Variants in CDK15 observed in about 807,000 individuals in gnomAD.
CDK15 encodes the protein cyclin dependent kinase 15, also known as cyclin-dependent kinase 15.
Under a neutral mutation model 60.3 loss-of-function variants are expected in CDK15, and 62 were observed. The ratio of observed to expected loss-of-function variants is 1.03; its 90% CI spans 0.84 to 1.27. The LOEUF (loss-of-function observed/expected upper bound fraction) is 1.27, where lower values mean the gene tolerates loss of function less well. Among genes scored for constraint, CDK15 ranks in the 50% most tolerant of loss-of-function variants. CDK15 has a pLI of 0.00. For synonymous variants in CDK15, 194 were observed against 195.7 expected (o/e 0.99, Z 0.07); for missense variants, 541 against 527.8 (o/e 1.03, Z -0.25).
At chr2:201,886,928 T>C (rs886109454) in intron 12 of CDK15, among the ~76,000 whole-genome samples, 2 of 152,202 alleles carry the variant, frequency 1.3e-5, no homozygotes, top group Non-Finnish European at 2.9e-5. Flanking sequence ...CAAAGTGTTA[T>C]AGCATGCATA....
chr2:201,835,931 T>C (rs1696994179), intron 8 of CDK15, among the ~76,000 whole-genome samples, 168 bp downstream of exon 8: 1 of 130,716 alleles, frequency 7.7e-6, no homozygotes, highest in African/African-American at 2.8e-5. Flanking sequence ...ATTTATATTT[T>C]ATATATTTAT....
chr2:201,828,636 T>G (rs939794111), intron 6 of CDK15, among the ~76,000 whole-genome samples: 1 of 152,132 alleles, frequency 6.6e-6, no homozygotes, highest in African/African-American at 2.4e-5. Flanking sequence ...AGGAAGAGGT[T>G]ATCCAAATCA....
chr2:201,846,145 T>C (rs1468128674), intron 8 of CDK15, among the ~76,000 whole-genome samples: 1 of 152,070 alleles, frequency 6.6e-6, no homozygotes, highest in South Asian at 2.1e-4. Flanking sequence ...CAGGCTGCAG[T>C]TGTGACTGTA....
intron 4 of CDK15, among the ~76,000 whole-genome samples, chr2:201,820,361 G>T (rs1379582295): frequency 6.6e-6 from 1 of 152,174 alleles, no homozygotes; most frequent in Non-Finnish European, 1.5e-5. Context: ...GTGGGGTTCA[G>T]GGTGAAAGGC....
At chr2:201,830,524 A>G (rs1696704985) in intron 6 of CDK15, among the ~76,000 whole-genome samples, 1 of 152,234 alleles carries the variant, frequency 6.6e-6, no homozygotes, top group African/African-American at 2.4e-5. Context: ...GAGGACAAAC[A>G]GTTCCATACA....
chr2:201,869,273 G>A (rs561041720), intron 10 of CDK15, among the ~76,000 whole-genome samples: 3 of 151,658 alleles, frequency 2.0e-5, no homozygotes, highest in East Asian at 3.9e-4. Flanking sequence ...GCAAACTATC[G>A]CAAGGACAGA....
intron 11 of CDK15, among the ~76,000 whole-genome samples, chr2:201,878,355 C>A (rs1305831369): frequency 1.3e-5 from 2 of 152,176 alleles, no homozygotes; most frequent in African/African-American, 4.8e-5. Context: ...CCTTGATTCC[C>A]TTCTTAAAAC....
chr2:201,807,724 T>C lies in CDK15; in HGVS notation c.273+81T>C, dbSNP rs570865727. The C allele has an allele frequency of 2.1e-5, 34 of 1,583,064 alleles. No homozygotes were observed. The Admixed American group carries it at 4.3e-4, about 20-fold the overall frequency. On this transcript the variant is annotated intron_variant, in intron 2 of 13. Coordinates refer to ENST00000652192, the MANE Select transcript of CDK15 (RefSeq NM_001366386.2). ...GGCCGGCCCTTGCTTCCAGGGCAAT[T>C]ACTGAGCGAGCCTTCCCAAGTCTGC...
Position 201,827,078 on chromosome 2 carries a change from A to G in CDK15, c.606+3351A>G, listed in dbSNP as rs541456518. ...GTTCTGTTGGCCTGAAATACAGAATATATTAGTGAAACAGCATACACAAGT... is the reference window on the plus strand; with the variant it reads ...GTTCTGTTGGCCTGAAATACAGAATGTATTAGTGAAACAGCATACACAAGT... On this transcript the variant is annotated intron_variant, in intron 6 of 13. Coordinates refer to ENST00000652192, the MANE Select transcript of CDK15 (RefSeq NM_001366386.2). Among the ~76,000 whole-genome samples, 5 of 152,378 alleles carry G rather than the reference A, an allele frequency of 3.3e-5. No homozygotes were observed. In the South Asian group the frequency reaches 6.2e-4, roughly 19 times the overall value.
At chr2:201,812,600 G>C (rs765810009) in intron 4 of CDK15, 38 bp downstream of exon 4, 23 of 1,434,980 alleles carry the variant, frequency 1.6e-5, no homozygotes, top group Middle Eastern at 3.5e-4. Flanking sequence ...GATCTGTTTT[G>C]AGTCCTTGAT....
intron 6 of CDK15, among the ~76,000 whole-genome samples, chr2:201,833,212 G>GC (rs959074929): frequency 8.4e-5 from 2 of 23,908 alleles, no homozygotes; most frequent in Admixed American, 7.7e-4. Context: ...TTTTTTTTGA[G>GC]GGGGGGGGTC....
chr2:201,854,185 A>T (rs1471133352), intron 9 of CDK15, among the ~76,000 whole-genome samples: 3 of 152,166 alleles, frequency 2.0e-5, no homozygotes, highest in African/African-American at 7.2e-5. Context: ...AAAAAAAAAA[A>T]CATCGGTAAT....
rs1327582185 is a variant in CDK15 at position 201,895,091 on chromosome 2, C to T, written c.*1824C>T. On this transcript the variant is annotated 3_prime_UTR_variant, in exon 14 of 14. Transcript: ENST00000652192. ...CAGCAAGAGTTCTTGAGCAGTTTTA[C>T]CTGTCCATCAATACAAAGAGTTCCC... The T allele has an allele frequency of 6.6e-6, 1 of 152,146 alleles. No homozygotes were observed. Among genetic ancestry groups the T allele is most frequent in the Non-Finnish European group, 1.5e-5 (1 of 68,032 alleles). The allele number at this position is 152,146 out of a possible 1,614,324, so 9.4% of individuals were successfully genotyped here.
chr2:201,881,207 C>T (rs1405984517), intron 12 of CDK15, among the ~76,000 whole-genome samples: 1 of 152,168 alleles, frequency 6.6e-6, no homozygotes, highest in African/African-American at 2.4e-5. Context: ...TCTAGGACAT[C>T]GTCCTGCAGC....
At chr2:201,863,003 G>C (rs191245432) in intron 10 of CDK15, among the ~76,000 whole-genome samples, 1 of 152,030 alleles carries the variant, frequency 6.6e-6, no homozygotes, top group South Asian at 2.1e-4. Context: ...AGCCTCCCTC[G>C]CTACAGCTAA....
intron 10 of CDK15, among the ~76,000 whole-genome samples, chr2:201,867,948 C>A (rs1037166368): frequency 6.6e-6 from 1 of 152,196 alleles, no homozygotes; most frequent in African/African-American, 2.4e-5. Context: ...AGAGGCTAAG[C>A]AATTTCCCTA....
At chr2:201,813,253 C>T (rs909703036) in intron 4 of CDK15, among the ~76,000 whole-genome samples, 15 of 152,168 alleles carry the variant, frequency 9.9e-5, no homozygotes, top group African/African-American at 3.1e-4. Context: ...CAAATGTTGA[C>T]CATTTTTATT....
At chr2:201,812,447 T>G in intron 3 of CDK15, 36 bp from the exon 4 acceptor site, 1 of 1,476,582 alleles carries the variant, frequency 6.8e-7, no homozygotes, top group East Asian at 2.3e-5. Context: ...TTGAACCACC[T>G]CAATAAGTGT....
At chr2:201,808,053 T>C in intron 3 of CDK15, 101 bp downstream of exon 3, 1 of 975,970 alleles carries the variant, frequency 1.0e-6, no homozygotes, top group Non-Finnish European at 1.5e-6. Context: ...TTCATAGCAC[T>C]CAGGACCTGT....
Sources: gnomAD v4.1 joint callset for allele counts (sites outside exome capture counted in the v4.1 genomes callset) on GRCh38, gnomAD v4.1.1 for gene constraint, MANE v1.5 for transcripts, NCBI Gene and HGNC (gene_info 2026-07-23, HGNC 2026-07-21) for gene names.